CCT2: variants seen among roughly 807,000 people sequenced by gnomAD.
CCT2 encodes T-complex protein 1 subunit beta.
CCT2 carries 18 observed loss-of-function variants against 61.8 expected under a neutral mutation model. The ratio of observed to expected loss-of-function variants is 0.29; its 90% CI spans 0.20 to 0.43. CCT2 has a LOEUF of 0.43. CCT2 is among the 20% of genes least tolerant of loss of function. CCT2 has a pLI of 1.00. For synonymous variants in CCT2, 248 were observed against 215.9 expected (o/e 1.15, Z -1.30); for missense variants, 556 against 656.9 (o/e 0.85, Z 1.68).
intron 5 of CCT2, 21 bp downstream of exon 5, chr12:69,588,027 CT>C: frequency 6.2e-7 from 1 of 1,602,378 alleles, no homozygotes; most frequent in Non-Finnish European, 8.6e-7. Flanking sequence ...CTAAGCAACT[CT>C]TTTTTCCTAC....
chr12:69,598,426 G>A lies in CCT2; in HGVS notation c.1435+5G>A. ...GCAATACCACTGCTGGATTGGGTAA[G>A]CAATCAAGGGGAACTTTGTGGCCGT... On this transcript the variant is annotated splice_donor_5th_base_variant and intron_variant, in intron 14 of 15. Transcript: ENST00000299300. 6.5e-7 allele frequency: 1 copy of A among 1,541,906 alleles called. No individual in the cohort carries two copies. Among genetic ancestry groups the A allele is most frequent in the Non-Finnish European group, 8.7e-7 (1 of 1,143,338 alleles).
In CCT2 at chr12:69,585,697, G is replaced by A. The variant is rs1343292585; in HGVS notation, c.3+173G>A. 5.3e-6 allele frequency: 8 copies of A among 1,500,404 alleles called. No homozygotes were observed. The East Asian group carries it at 2.0e-4, about 37-fold the overall frequency. The allele number at this position is 1,500,404 out of a possible 1,614,324, so 92.9% of individuals were successfully genotyped here. On this transcript the variant is annotated intron_variant, in intron 1 of 15. Coordinates refer to ENST00000299300, the MANE Select transcript of CCT2 (RefSeq NM_006431.3). ...GGCCTGCGCCAGGCCAGCCGGTGGA[G>A]CTCACCACGAGGGGGAGGGGTGGAC...
Position 69,597,953 on chromosome 12 carries a change from A to G in CCT2, c.1232-15A>G, listed in dbSNP as rs56100203. On this transcript the variant is annotated splice_polypyrimidine_tract_variant and intron_variant, in intron 12 of 15. Coordinates refer to ENST00000299300, the MANE Select transcript of CCT2 (RefSeq NM_006431.3). ...ACTAAGCATTGCAATATTTTATTGGAATTTTAATCTTTAGGCTGTTCTGAG... is the reference window on the plus strand; with the variant it reads ...ACTAAGCATTGCAATATTTTATTGGGATTTTAATCTTTAGGCTGTTCTGAG... 193,476 of 1,600,496 alleles carry G rather than the reference A, an allele frequency of 0.12. 13,124 individuals carry two copies. The highest frequency in any genetic ancestry group is 0.14 in the Non-Finnish European group (165,624 of 1,169,274).
Position 69,587,494 on chromosome 12 carries a change from G to A in CCT2, c.145-11G>A. The A allele has an allele frequency of 6.6e-7, 1 of 1,515,654 alleles. No homozygotes were observed. The allele number at this position is 1,515,654 out of a possible 1,614,324, so 93.9% of individuals were successfully genotyped here. A position where few individuals can be genotyped will look rare whatever the true frequency, so the allele number is the denominator to read the frequency against. ...TTATGTCTTAACTTGAACCAATTAT[G>A]TTCCCTTTAGGACAAAATTCTTCTA... On this transcript the variant is annotated splice_polypyrimidine_tract_variant and intron_variant, in intron 3 of 15. Transcript: ENST00000299300.
intron 14 of CCT2, among the ~76,000 whole-genome samples, chr12:69,598,984 A>G (rs1217997836): frequency 6.6e-6 from 1 of 152,236 alleles, no homozygotes; most frequent in Non-Finnish European, 1.5e-5. Flanking sequence ...CAAGAAGAGA[A>G]GTTGGGTAGG....
At chr12:69,589,877 T>C in intron 7 of CCT2, 190 bp downstream of exon 7, 1 of 590,752 alleles carries the variant, frequency 1.7e-6, no homozygotes, top group Non-Finnish European at 3.0e-6. Context: ...TCCAGCATTG[T>C]TGATGATCTC....
chr12:69,589,645 A>C lies in CCT2; in HGVS notation c.607A>C (p.Lys203Gln). ...SGNLEAIHII[K>Q]KLGGSLADSY... ...CAACCTGGAGGCAATTCATATTATC[A>C]AGAAGCTAGGAGGAAGTTTGGCAGA... Residue 203 changes from lysine to glutamine, a missense_variant, in exon 7 of 16, where the codon AAG (lysine) becomes CAG (glutamine). This residue lies in a region of CCT2 where 308 missense variants were observed against 350.6 expected (regional missense o/e 0.88). Transcript: ENST00000299300. The C allele has an allele frequency of 6.2e-7, 1 of 1,613,870 alleles. No individual in the cohort carries two copies. Among genetic ancestry groups the C allele is most frequent in the South Asian group, 1.1e-5 (1 of 91,086 alleles).
intron 6 of CCT2, among the ~76,000 whole-genome samples, chr12:69,588,885 A>G (rs1881750094): frequency 6.6e-6 from 1 of 152,194 alleles, no homozygotes; most frequent in Admixed American, 6.5e-5. Flanking sequence ...TTATTTGCCC[A>G]TTCACAACTG....
At chr12:69,601,223 T>C in intron 15 of CCT2, 72 bp from the exon 16 acceptor site, 3 of 1,208,016 alleles carry the variant, frequency 2.5e-6, no homozygotes, top group Non-Finnish European at 3.5e-6. Flanking sequence ...GTTGTGTTTG[T>C]ATTTAGTATA....
intron 14 of CCT2, among the ~76,000 whole-genome samples, chr12:69,598,829 CA>C (rs767043031): frequency 6.6e-6 from 1 of 151,972 alleles, no homozygotes; most frequent in Non-Finnish European, 1.5e-5. Flanking sequence ...TAAAAGTGGC[CA>C]ATGAGGCAGA....
chr12:69,599,927 G>A lies in CCT2; in HGVS notation c.1500G>A (p.Lys500=). The change falls in exon 15 of 16, where the codon AAG becomes AAA. Residue 500 remains lysine (K), a synonymous_variant. Transcript: ENST00000299300. ...GTATAACAGAAAGTTTTCAAGTGAAGCGACAGGTTCTTCTGAGTGCAGCTG... is the reference window on the plus strand; with the variant it reads ...GTATAACAGAAAGTTTTCAAGTGAAACGACAGGTTCTTCTGAGTGCAGCTG... The part of the protein sequence containing the change: ...ILGITESFQV[K]RQVLLSAAEA... 5.0e-6 allele frequency: 8 copies of A among 1,614,032 alleles called. No homozygotes were observed. The highest frequency in any genetic ancestry group is 6.8e-6 in the Non-Finnish European group (8 of 1,179,902).
At chr12:69,591,547 C>T (rs1881835386) in intron 7 of CCT2, among the ~76,000 whole-genome samples, 1 of 152,086 alleles carries the variant, frequency 6.6e-6, no homozygotes, top group Non-Finnish European at 1.5e-5. Context: ...TAGGACTTAA[C>T]CTATTGTCTT....
intron 7 of CCT2, 26 bp downstream of exon 7, chr12:69,589,713 A>G: frequency 6.4e-7 from 1 of 1,559,052 alleles, no homozygotes; most frequent in East Asian, 2.2e-5. Flanking sequence ...AGATACAAGA[A>G]GCTTTGATTA....
At chr12:69,600,879 T>C (rs1882128555) in intron 15 of CCT2, among the ~76,000 whole-genome samples, 1 of 152,300 alleles carries the variant, frequency 6.6e-6, no homozygotes, top group African/African-American at 2.4e-5. Flanking sequence ...TATGCCCCCT[T>C]ATTGTATGGT....
Position 69,595,688 on chromosome 12 carries a change from C to CAAA in CCT2, c.983-1451_983-1449dup, listed in dbSNP as rs10655703. 1.1e-3 allele frequency among the ~76,000 whole-genome samples: 107 copies of CAAA among 99,390 alleles called. 2 individuals are homozygous for CAAA. In the East Asian group the frequency reaches 0.011, roughly 10 times the overall value. 65.2% of individuals were successfully genotyped at this position (99,390 alleles called of 152,430 possible). ...TGGGTGACAGAGCGAGACTCCGTCT[C>CAAA]AAAAAAAAAAAAAAAAAAAGATGTA... On this transcript the variant is annotated intron_variant, in intron 10 of 15. Coordinates refer to ENST00000299300, the MANE Select transcript of CCT2 (RefSeq NM_006431.3).
At chr12:69,594,252 C>T (rs1410299635) in intron 10 of CCT2, among the ~76,000 whole-genome samples, 5 of 151,914 alleles carry the variant, frequency 3.3e-5, no homozygotes, top group African/African-American at 7.3e-5. Flanking sequence ...TTATCTAGTT[C>T]GTACATTTGT....
rs1265930178 is a variant in CCT2 at position 69,587,533 on chromosome 12, A to T, written c.173A>T (p.Asp58Val). Residue 58 changes from aspartate to valine, a missense_variant, in exon 4 of 16, where the codon GAT (aspartate) becomes GTT (valine). Around this residue, in one of 3 missense-constraint regions of CCT2, gnomAD observed 308 missense variants for 350.6 expected, o/e 0.88. Coordinates refer to ENST00000299300, the MANE Select transcript of CCT2 (RefSeq NM_006431.3). ...AAAATTCTTCTAAGCAGTGGACGAG[A>T]TGCCTCTCTTATGGTAACCAATGAT... is the stretch of plus-strand genomic sequence containing the variant. ...MDKILLSSGR[D>V]ASLMVTNDGA... The T allele has an allele frequency of 1.2e-6, 2 of 1,612,812 alleles. No homozygotes were observed. The highest frequency in any genetic ancestry group is 1.7e-5 in the Admixed American group (1 of 59,998).
Position 69,599,916 on chromosome 12 carries a change from T to G in CCT2, c.1489T>G (p.Phe497Val), listed in dbSNP as rs1446516369. Residue 497 changes from phenylalanine to valine, a missense_variant, in exon 15 of 16, where the codon TTT (phenylalanine) becomes GTT (valine). Phe to Val is a conservative substitution (Grantham distance 50, BLOSUM62 -1). Coordinates refer to ENST00000299300, the MANE Select transcript of CCT2 (RefSeq NM_006431.3). ...DMAILGITESFQVKRQVLLSA... is the reference protein window; with the variant it reads ...DMAILGITESVQVKRQVLLSA... ...GGCTATCCTGGGTATAACAGAAAGT[T>G]TTCAAGTGAAGCGACAGGTTCTTCT... 8.7e-6 allele frequency: 14 copies of G among 1,613,888 alleles called. No individual in the cohort carries two copies. The highest frequency in any genetic ancestry group is 1.1e-5 in the Non-Finnish European group (13 of 1,179,928).
intron 4 of CCT2, 78 bp downstream of exon 4, chr12:69,587,694 G>A: frequency 5.3e-6 from 5 of 935,624 alleles, no homozygotes; most frequent in East Asian, 2.5e-5. Context: ...TAAATAGGCT[G>A]TGTTGACCAA....
Sources: allele counts gnomAD v4.1 joint callset (sites outside exome capture counted in the v4.1 genomes callset), GRCh38; gene constraint gnomAD v4.1.1; regional missense constraint gnomAD v4.1.1; transcripts MANE v1.5; gene names NCBI Gene and HGNC (gene_info 2026-07-23, HGNC 2026-07-21).